CCNE1: variants seen among roughly 807,000 people sequenced by gnomAD.
The protein encoded by CCNE1 is G1/S-specific cyclin-E1.
In CCNE1, 8 loss-of-function variants were observed where a neutral mutation model predicts 54.1. That is an observed-to-expected ratio of 0.15 (90% CI 0.09 to 0.27). CCNE1 has a LOEUF of 0.27. CCNE1 is among the 10% of genes least tolerant of loss of function. The pLI is 1.00. For missense variants in CCNE1, 430 were observed against 514.9 expected (o/e 0.84, Z 1.60); for synonymous variants, 179 against 185.2 (o/e 0.97, Z 0.27).
intron 3 of CCNE1, 93 bp from the exon 4 acceptor site, chr19:29,812,876 G>A: frequency 1.9e-6 from 3 of 1,590,884 alleles, no homozygotes; most frequent in South Asian, 1.1e-5. Flanking sequence ...GGGCAGGAAC[G>A]GAGCTCATAA....
chr19:29,815,622 CTTT>C (rs778868229), intron 4 of CCNE1, among the ~76,000 whole-genome samples: 14 of 99,606 alleles, frequency 1.4e-4, no homozygotes, highest in African/African-American at 3.0e-4. Context: ...ATGGTCTCTG[CTTT>C]TTTTTTTTTT....
intron 8 of CCNE1, 57 bp from the exon 9 acceptor site, chr19:29,821,939 T>G: frequency 1.9e-6 from 3 of 1,574,930 alleles, no homozygotes; most frequent in Non-Finnish European, 2.6e-6. Context: ...GGAACATGGC[T>G]GCATTTTGAA....
At chr19:29,812,419 AC>A (rs1973911031) in intron 1 of CCNE1, 112 bp from the exon 2 acceptor site, 20 of 668,926 alleles carry the variant, frequency 3.0e-5, no homozygotes, top group Non-Finnish European at 4.1e-5. Context: ...GTGACAGGCC[AC>A]CCCGCCATCG....
chr19:29,818,866 G>A (rs539036206), intron 6 of CCNE1, among the ~76,000 whole-genome samples: 24 of 151,930 alleles, frequency 1.6e-4, no homozygotes, highest in South Asian at 6.2e-4. Flanking sequence ...GGGTTCAAGC[G>A]ATTTTCTTGC....
chr19:29,823,284 C>T (rs1379405207), intron 11 of CCNE1, among the ~76,000 whole-genome samples: 2 of 152,098 alleles, frequency 1.3e-5, no homozygotes, highest in African/African-American at 4.8e-5. Context: ...TGGCACATGT[C>T]TGTAGTCCCA....
In CCNE1 at chr19:29,820,718, A is replaced by G. The variant is rs1372700367; in HGVS notation, c.479A>G (p.Lys160Arg). 6.2e-7 allele frequency: 1 copy of G among 1,611,066 alleles called. No homozygotes were observed. The highest frequency in any genetic ancestry group is 1.7e-5 in the Admixed American group (1 of 59,900). The stretch of plus-strand genomic sequence containing the variant: ...TGTTTTCAGGTGTGTGAAGTCTATA[A>G]ACTTCACAGGGAGACCTTTTACTTG... ...DWLMEVCEVY[K>R]LHRETFYLAQ... is the part of the protein sequence containing the mutation. The change falls in exon 7 of 12, where the codon AAA becomes AGA. Residue 160 changes from lysine (K) to arginine (R), a missense_variant. Physicochemically the swap from Lys to Arg is conservative, Grantham distance 26. Transcript: ENST00000262643.
intron 4 of CCNE1, among the ~76,000 whole-genome samples, chr19:29,814,581 G>T (rs964864257): frequency 7.9e-5 from 12 of 152,208 alleles, no homozygotes; most frequent in Admixed American, 7.9e-4. Context: ...AGCTGTCTAT[G>T]TATGGAGCAG....
At chr19:29,818,570 C>G (rs564836728) in intron 6 of CCNE1, among the ~76,000 whole-genome samples, 1 of 152,224 alleles carries the variant, frequency 6.6e-6, no homozygotes, top group African/African-American at 2.4e-5. Flanking sequence ...TCTGACATTG[C>G]TCCTTTTTAA....
intron 6 of CCNE1, among the ~76,000 whole-genome samples, chr19:29,819,343 T>C (rs913728449): frequency 7.9e-5 from 12 of 151,454 alleles, no homozygotes; most frequent in African/African-American, 2.9e-4. Flanking sequence ...AGTGTAGTGG[T>C]GCAGTCACGG....
intron 6 of CCNE1, among the ~76,000 whole-genome samples, chr19:29,818,713 T>C (rs1974082567): frequency 6.6e-6 from 1 of 152,018 alleles, no homozygotes; most frequent in Non-Finnish European, 1.5e-5. Flanking sequence ...AAGGATCCCT[T>C]GAGCCCAGGA....
chr19:29,813,111 G>T (rs3218030), intron 4 of CCNE1, 74 bp downstream of exon 4: 20,275 of 1,365,816 alleles, frequency 0.015, 208 homozygotes, highest in Non-Finnish European at 0.017. Context: ...ATGCTGTCTT[G>T]TCTCTTGCTG....
intron 6 of CCNE1, 52 bp downstream of exon 6, chr19:29,817,593 A>C: frequency 1.2e-6 from 2 of 1,601,762 alleles, no homozygotes; most frequent in Non-Finnish European, 1.7e-6. Context: ...CATTTCCAGC[A>C]TTTTTGTGTA....
In CCNE1 at chr19:29,822,374, G is replaced by A. The variant is rs775069706; in HGVS notation, c.952+23G>A. 5 of 1,613,490 alleles carry A rather than the reference G, an allele frequency of 3.1e-6. No individual in the cohort carries two copies. In the East Asian group the frequency reaches 8.9e-5, roughly 29 times the overall value. ...CAGGTAAGTTGGCTTTCCAGTGCAT[G>A]CACAAACAAGGTGTACTAAGCTTAC... is the stretch of plus-strand genomic sequence containing the variant. On this transcript the variant is annotated intron_variant, in intron 10 of 11. Transcript: ENST00000262643.
intron 4 of CCNE1, among the ~76,000 whole-genome samples, chr19:29,813,488 T>A (rs1226830309): frequency 6.6e-6 from 1 of 152,184 alleles, no homozygotes; most frequent in African/African-American, 2.4e-5. Context: ...TCTACACCTA[T>A]TTTTCTTGTC....
chr19:29,821,895 G>T, intron 8 of CCNE1, 78 bp downstream of exon 8: 5 of 1,505,586 alleles, frequency 3.3e-6, no homozygotes, highest in Non-Finnish European at 4.6e-6. Flanking sequence ...GAGTGCCTCT[G>T]GGAGGTGTTC....
chr19:29,815,486 C>T (rs1973990554), intron 4 of CCNE1, among the ~76,000 whole-genome samples: 1 of 152,178 alleles, frequency 6.6e-6, no homozygotes, highest in African/African-American at 2.4e-5. Context: ...TGGGCTTCCT[C>T]TGAAGGCGGC....
chr19:29,823,606 A>G lies in CCNE1; in HGVS notation c.1111-49A>G, dbSNP rs370912715. 13 of 1,488,460 alleles carry G rather than the reference A, an allele frequency of 8.7e-6. No homozygotes were observed. In the African/African-American group the frequency reaches 9.9e-5, roughly 11 times the overall value. The allele number at this position is 1,488,460 out of a possible 1,614,324, so 92.2% of individuals were successfully genotyped here. ...AAAAAGCCTATGGTAATTGAAGCCC[A>G]AGGATATGTTCTACTCTAATGTGTT... On this transcript the variant is annotated intron_variant, in intron 11 of 11. Transcript: ENST00000262643.
intron 11 of CCNE1, among the ~76,000 whole-genome samples, chr19:29,823,260 C>T (rs1974193851): frequency 6.6e-6 from 1 of 152,000 alleles, no homozygotes; most frequent in Non-Finnish European, 1.5e-5. Context: ...AATTTAAAAA[C>T]TAGCCAGGCA....
chr19:29,823,106 A>AT (rs1285679895), intron 11 of CCNE1, among the ~76,000 whole-genome samples: 1 of 151,720 alleles, frequency 6.6e-6, no homozygotes, highest in Non-Finnish European at 1.5e-5. Context: ...GTGCTCTTTG[A>AT]TATTTTTTTT....
Sources: gnomAD v4.1 joint callset for allele counts (sites outside exome capture counted in the v4.1 genomes callset) on GRCh38, gnomAD v4.1.1 for gene constraint, MANE v1.5 for transcripts, NCBI Gene and HGNC (gene_info 2026-07-23, HGNC 2026-07-21) for gene names.